PHF24: variants seen among roughly 807,000 people sequenced by gnomAD.
PHF24 encodes the protein PHD finger protein 24.
PHF24 carries 25 observed loss-of-function variants against 42.6 expected under a neutral mutation model. The ratio of observed to expected loss-of-function variants is 0.59; its 90% CI spans 0.43 to 0.82. The LOEUF is 0.82. Among genes scored for constraint, PHF24 ranks in the 40% least tolerant of loss-of-function variants. PHF24 has a pLI of 0.00. For synonymous variants in PHF24, 185 were observed against 204.8 expected, an observed-to-expected ratio of 0.90 and a Z score of 0.83; for missense variants, 470 against 538.1, an observed-to-expected ratio of 0.87 and a Z score of 1.25.
At chr9:34,759,680 T>G in the PHF24 span, among the ~76,000 whole-genome samples, 3 of 152,166 alleles carry the variant, frequency 2.0e-5, no homozygotes, top group Admixed American at 2.0e-4. Flanking sequence ...CCTGACCTCT[T>G]GCCCCCAGCA....
the PHF24 span, chr9:34,895,817 GAA>G: frequency 2.5e-6 from 1 of 397,836 alleles, no homozygotes. Context: ...CTGCCTCACA[GAA>G]GAGGGATCCA....
chr9:34,810,389 G>A, the PHF24 span, among the ~76,000 whole-genome samples: 4 of 152,328 alleles, frequency 2.6e-5, no homozygotes, highest in East Asian at 7.7e-4. Flanking sequence ...CTCCCGGGGT[G>A]CTCTCTGGAT....
the PHF24 span, among the ~76,000 whole-genome samples, chr9:34,755,926 T>C: frequency 3.9e-5 from 6 of 152,200 alleles, no homozygotes; most frequent in Non-Finnish European, 5.9e-5. Flanking sequence ...CAGAAGCTTT[T>C]CAGTTTGGTA....
chr9:34,831,716 A>G, the PHF24 span, among the ~76,000 whole-genome samples: 2 of 152,064 alleles, frequency 1.3e-5, no homozygotes, highest in Admixed American at 1.3e-4. Flanking sequence ...GCTCCCTACC[A>G]ATCCCTGGGC....
chr9:34,883,893 C>G, the PHF24 span, among the ~76,000 whole-genome samples: 1 of 152,184 alleles, frequency 6.6e-6, no homozygotes, highest in African/African-American at 2.4e-5. Flanking sequence ...ATAAATCATG[C>G]TGCTATAAAG....
the PHF24 span, chr9:34,723,986 G>C: frequency 6.4e-7 from 1 of 1,550,434 alleles, no homozygotes; most frequent in Non-Finnish European, 8.7e-7. Flanking sequence ...AAGCATCCCT[G>C]CTGGCCTCTG....
At chr9:34,837,806 G>C in the PHF24 span, 29 of 734,018 alleles carry the variant, frequency 4.0e-5, no homozygotes, top group African/African-American at 4.4e-4. Context: ...ATATCTATCT[G>C]TATTTTATAC....
chr9:34,705,367 T>A, the PHF24 span, among the ~76,000 whole-genome samples: 1 of 152,330 alleles, frequency 6.6e-6, no homozygotes, highest in South Asian at 2.1e-4. Flanking sequence ...TAGCCCAGGC[T>A]ATATGGCTCC....
At chr9:34,866,345 C>T in the PHF24 span, among the ~76,000 whole-genome samples, 2 of 152,086 alleles carry the variant, frequency 1.3e-5, no homozygotes, top group African/African-American at 2.4e-5. Context: ...TTTCCCTCCT[C>T]GTGGAATAAT....
At chr9:34,865,380 A>G in the PHF24 span, among the ~76,000 whole-genome samples, 1 of 151,848 alleles carries the variant, frequency 6.6e-6, no homozygotes, top group African/African-American at 2.4e-5. Flanking sequence ...CCTGGCCAAC[A>G]TTGTGAAACC....
rs78290203 is a variant in PHF24, at chr9:34,981,736, CTTTTTTTT to C, written c.*3634_*3641del. 2.2e-5 allele frequency: 3 copies of C among 139,032 alleles called. No homozygotes were observed. In the Admixed American group the frequency reaches 2.2e-4, roughly 10 times the overall value. 8.6% of individuals were successfully genotyped at this position (139,032 alleles called of 1,614,324 possible). A position where few individuals can be genotyped will look rare whatever the true frequency, so the allele number is the denominator to read the frequency against. ...TACAGTGAAATAAAATTCCTATTTT[CTTTTTTTT>C]TTTTTTTTAATTTTCCTTATTTCAA... On this transcript the variant is annotated 3_prime_UTR_variant, in exon 8 of 8. Coordinates refer to ENST00000242315, the Ensembl canonical transcript of PHF24.
chr9:34,920,500 A>T, the PHF24 span, among the ~76,000 whole-genome samples: 3 of 152,130 alleles, frequency 2.0e-5, no homozygotes, highest in Non-Finnish European at 4.4e-5. Context: ...TTGTGGTTCC[A>T]TATGAAATTT....
the PHF24 span, chr9:34,834,803 G>A: frequency 6.5e-7 from 1 of 1,542,956 alleles, no homozygotes; most frequent in African/African-American, 1.5e-5. Flanking sequence ...GTCAGATGGA[G>A]ACACCCAATT....
At chr9:34,899,671 C>G in the PHF24 span, among the ~76,000 whole-genome samples, 6 of 152,264 alleles carry the variant, frequency 3.9e-5, no homozygotes, top group East Asian at 1.2e-3. Context: ...AGCAAAACCA[C>G]CAGAGCTCAC....
the PHF24 span, among the ~76,000 whole-genome samples, chr9:34,875,938 ACACACACACACACTCTCTCTCTCTCT>A: frequency 1.4e-4 from 12 of 88,546 alleles, no homozygotes; most frequent in East Asian, 2.4e-3. Context: ...ACACACACAC[ACACACACACACACTCTCTCTCTCTCT>A]CTCTCTCTCT....
At chr9:34,948,040 C>T in the PHF24 span, among the ~76,000 whole-genome samples, 1 of 149,602 alleles carries the variant, frequency 6.7e-6, no homozygotes, top group East Asian at 2.0e-4. Context: ...ACCCGGGGGG[C>T]GGAGCTTGCA....
the PHF24 span, among the ~76,000 whole-genome samples, chr9:34,809,337 T>G: frequency 6.6e-6 from 1 of 152,224 alleles, no homozygotes; most frequent in Non-Finnish European, 1.5e-5. The surrounding 1 kb of genome is among the most constrained non-coding windows in gnomAD (Gnocchi z 4.1). Flanking sequence ...ATCAGTGGCT[T>G]AATTATTTTT....
the PHF24 span, among the ~76,000 whole-genome samples, chr9:34,836,423 C>CT: frequency 4.6e-5 from 7 of 152,304 alleles, no homozygotes; most frequent in African/African-American, 1.4e-4. Flanking sequence ...GTAGAACTGT[C>CT]TTGCAGTCTC....
chr9:34,831,498 G>A, the PHF24 span, among the ~76,000 whole-genome samples: 1 of 152,194 alleles, frequency 6.6e-6, no homozygotes, highest in South Asian at 2.1e-4. Context: ...AGAAACTTCA[G>A]TGCTCAACAC....
Sources: gnomAD v4.1 joint callset for allele counts (sites outside exome capture counted in the v4.1 genomes callset) on GRCh38, gnomAD v4.1.1 for gene constraint, Gnocchi (gnomAD v3.1) non-coding constraint, MANE v1.5 for transcripts, NCBI Gene and HGNC (gene_info 2026-07-23, HGNC 2026-07-21) for gene names.